AGBL4: variants seen among roughly 807,000 people sequenced by gnomAD.
The protein encoded by AGBL4 is cytosolic carboxypeptidase 6.
Under a neutral mutation model 66.4 loss-of-function variants are expected in AGBL4, and 58 were observed. That is an observed-to-expected ratio of 0.87 (90% confidence interval 0.71 to 1.09). The LOEUF (loss-of-function observed/expected upper bound fraction) is 1.09, where lower values mean the gene tolerates loss of function less well. Ranked by LOEUF, AGBL4 falls within the 50% of genes least tolerant of loss-of-function variation. The pLI is 0.00. For missense variants in AGBL4, 579 were observed against 631.0 expected (o/e 0.92, Z 0.88); for synonymous variants, 234 against 222.9 (o/e 1.05, Z -0.44).
chr1:49,389,788 G>A (rs1362534338), intron 3 of AGBL4, among the ~76,000 whole-genome samples: 1 of 152,132 alleles, frequency 6.6e-6, no homozygotes, highest in Non-Finnish European at 1.5e-5. Flanking sequence ...ATATGACAAG[G>A]AAATCAGATT....
Position 48,587,115 on chromosome 1 carries a change from A to G in AGBL4, c.1156T>C (p.Phe386Leu). 6.4e-7 allele frequency: 1 copy of G among 1,572,506 alleles called. No homozygotes were observed. The highest frequency in any genetic ancestry group is 8.6e-7 in the Non-Finnish European group (1 of 1,159,112). Residue 386 changes from phenylalanine to leucine, a missense_variant, in exon 11 of 14, where the codon TTC (phenylalanine) becomes CTC (leucine). Phe to Leu is a conservative substitution (Grantham distance 22, BLOSUM62 0). Transcript: ENST00000371839. ...GTGTGGTCCAGGAGTCCACCGAGGA[A>G]GCGACGGCCAGTTCCTGCTTTCACA... ...DAVKAGTGRR[F>L]LGGLLDHTSY...
intron 6 of AGBL4, among the ~76,000 whole-genome samples, chr1:48,858,524 A>G (rs1306549099): frequency 6.6e-6 from 1 of 152,244 alleles, no homozygotes; most frequent in Non-Finnish European, 1.5e-5. Flanking sequence ...GATACATGCT[A>G]CAACATGGGT....
intron 6 of AGBL4, among the ~76,000 whole-genome samples, chr1:48,812,301 T>C (rs1646070127): frequency 6.6e-6 from 1 of 152,116 alleles, no homozygotes; most frequent in African/African-American, 2.4e-5. Context: ...AGGATGAGTA[T>C]GATTTTAGGT....
At chr1:48,801,112 G>C (rs895910476) in intron 6 of AGBL4, among the ~76,000 whole-genome samples, 4 of 152,136 alleles carry the variant, frequency 2.6e-5, no homozygotes, top group Non-Finnish European at 5.9e-5. Context: ...AGCTGGCAGT[G>C]ACAGGCTTCA....
At chr1:48,589,476 G>A (rs947907240) in intron 10 of AGBL4, among the ~76,000 whole-genome samples, 1 of 151,948 alleles carries the variant, frequency 6.6e-6, no homozygotes, top group Admixed American at 6.6e-5. Context: ...GAAATAACAG[G>A]CCCCAGAGAT....
intron 6 of AGBL4, among the ~76,000 whole-genome samples, chr1:48,821,883 C>T (rs1183483854): frequency 6.6e-6 from 1 of 152,018 alleles, no homozygotes; most frequent in Non-Finnish European, 1.5e-5. Context: ...AAGAGACGAT[C>T]CAATTTTGGT....
chr1:49,089,717 A>T (rs544974070), intron 4 of AGBL4, among the ~76,000 whole-genome samples: 1 of 152,260 alleles, frequency 6.6e-6, no homozygotes, highest in South Asian at 2.1e-4. Flanking sequence ...AAAATTGGGG[A>T]GGAAGGACTC....
intron 3 of AGBL4, among the ~76,000 whole-genome samples, chr1:49,619,761 A>G (rs1033400921): frequency 6.6e-6 from 1 of 152,214 alleles, no homozygotes; most frequent in Admixed American, 6.5e-5. Flanking sequence ...TGGTACTGGT[A>G]CCAAAACAGA....
At chr1:49,286,940 TC>T (rs1299287136) in intron 3 of AGBL4, among the ~76,000 whole-genome samples, 3 of 152,100 alleles carry the variant, frequency 2.0e-5, no homozygotes, top group African/African-American at 7.2e-5. Flanking sequence ...GCTGGAGGCA[TC>T]ACGCTACCTG....
intron 6 of AGBL4, among the ~76,000 whole-genome samples, chr1:48,778,954 A>G (rs989580797): frequency 6.6e-6 from 1 of 152,156 alleles, no homozygotes; most frequent in East Asian, 1.9e-4. Context: ...TGTTGGTCTT[A>G]TCTTGCCCCA....
At chr1:49,360,052 T>C (rs1644105901) in intron 3 of AGBL4, among the ~76,000 whole-genome samples, 1 of 152,130 alleles carries the variant, frequency 6.6e-6, no homozygotes, top group Admixed American at 6.5e-5. Context: ...CTGGCCGATA[T>C]CAGTCACTTG....
intron 3 of AGBL4, among the ~76,000 whole-genome samples, chr1:49,451,686 C>T (rs745790323): frequency 2.0e-5 from 3 of 151,980 alleles, no homozygotes; most frequent in Non-Finnish European, 4.4e-5. Flanking sequence ...AGTACACTGA[C>T]TTATTTACAC....
chr1:49,704,788 A>ATATC (rs1460396575), intron 2 of AGBL4, among the ~76,000 whole-genome samples: 1 of 152,090 alleles, frequency 6.6e-6, no homozygotes, highest in Non-Finnish European at 1.5e-5. Context: ...ATTGGTCTAT[A>ATATC]TATCTGTGTT....
intron 4 of AGBL4, among the ~76,000 whole-genome samples, chr1:49,127,241 T>C (rs1357647881): frequency 1.6e-4 from 24 of 152,122 alleles, no homozygotes; most frequent in Admixed American, 1.6e-3. Flanking sequence ...CATAGCTTGA[T>C]GGTGGTTTTA....
chr1:49,256,636 T>A (rs1248105795), intron 3 of AGBL4, among the ~76,000 whole-genome samples: 1 of 152,210 alleles, frequency 6.6e-6, no homozygotes, highest in Non-Finnish European at 1.5e-5. Context: ...TGTGTCTATG[T>A]GTGTTTATGC....
At chr1:49,518,362 A>G (rs1195650738) in intron 3 of AGBL4, among the ~76,000 whole-genome samples, 1 of 152,098 alleles carries the variant, frequency 6.6e-6, no homozygotes, top group Non-Finnish European at 1.5e-5. Flanking sequence ...ACCCTTCTCC[A>G]TTCACTCAAC....
intron 5 of AGBL4, among the ~76,000 whole-genome samples, chr1:48,927,719 C>T (rs1207571065): frequency 3.9e-5 from 6 of 152,142 alleles, no homozygotes; most frequent in Non-Finnish European, 1.5e-5. Flanking sequence ...GTGTTGGGTA[C>T]TTTCCTCAAA....
chr1:49,408,250 T>C (rs1645244743), intron 3 of AGBL4, among the ~76,000 whole-genome samples: 1 of 152,138 alleles, frequency 6.6e-6, no homozygotes, highest in Non-Finnish European at 1.5e-5. Context: ...ACCAAAATAC[T>C]GAGAAATAAG....
intron 10 of AGBL4, among the ~76,000 whole-genome samples, chr1:48,589,308 A>C (rs1005923811): frequency 3.3e-5 from 5 of 152,188 alleles, no homozygotes; most frequent in Non-Finnish European, 5.9e-5. Context: ...CTGGTTTGAC[A>C]TTCAAAAGTT....
Sources: allele counts gnomAD v4.1 joint callset (sites outside exome capture counted in the v4.1 genomes callset), GRCh38; gene constraint gnomAD v4.1.1; transcripts MANE v1.5; gene names NCBI Gene and HGNC (gene_info 2026-07-23, HGNC 2026-07-21).